Variants in LHFPL3 observed in about 807,000 individuals in gnomAD.
LHFPL3 encodes the protein LHFPL tetraspan subfamily member 3.
LHFPL3 carries 5 observed loss-of-function variants against 19.3 expected under a neutral mutation model. The ratio of observed to expected loss-of-function variants is 0.26; its 90% CI spans 0.14 to 0.54. The LOEUF is 0.54. Ranked by LOEUF, LHFPL3 falls within the 20% of genes least tolerant of loss-of-function variation. The pLI, the probability that LHFPL3 is intolerant of heterozygous loss-of-function variation, is 0.94. For synonymous variants in LHFPL3, 133 were observed against 126.2 expected (o/e 1.05, Z -0.36); for missense variants, 249 against 307.4 (o/e 0.81, Z 1.42).
intron 2 of LHFPL3, among the ~76,000 whole-genome samples, chr7:104,827,424 AATTAG>A (rs1790846876): frequency 6.6e-6 from 1 of 152,018 alleles, no homozygotes; most frequent in South Asian, 2.1e-4. Flanking sequence ...TGGTAGGTAC[AATTAG>A]ATTATAGTCT....
At chr7:104,812,309 G>A (rs941376316) in intron 2 of LHFPL3, among the ~76,000 whole-genome samples, 2 of 152,154 alleles carry the variant, frequency 1.3e-5, no homozygotes, top group Non-Finnish European at 2.9e-5. Context: ...ATTCCTAGTA[G>A]ACTGGATGAA....
intron 1 of LHFPL3, among the ~76,000 whole-genome samples, chr7:104,347,769 G>C (rs10280803): frequency 0.17 from 25,480 of 151,896 alleles, 2,589 homozygotes; most frequent in Admixed American, 0.31. Flanking sequence ...GCACGCCCCT[G>C]TAATCCCAGT....
intron 2 of LHFPL3, among the ~76,000 whole-genome samples, chr7:104,808,501 G>A (rs576956253): frequency 6.6e-6 from 1 of 152,284 alleles, no homozygotes; most frequent in Non-Finnish European, 1.5e-5. Flanking sequence ...GGCGCAATAA[G>A]TATTTTGTGG....
intron 1 of LHFPL3, among the ~76,000 whole-genome samples, chr7:104,390,204 A>G (rs1397497519): frequency 6.6e-6 from 1 of 152,026 alleles, no homozygotes; most frequent in Non-Finnish European, 1.5e-5. Context: ...TATTTTTATT[A>G]TACTTTAAAT....
At chr7:104,766,651 G>A (rs1180677507) in intron 2 of LHFPL3, among the ~76,000 whole-genome samples, 2 of 152,186 alleles carry the variant, frequency 1.3e-5, no homozygotes, top group African/African-American at 4.8e-5. Context: ...CACACAGTTT[G>A]AAAACCATAC....
At chr7:104,388,831 G>C (rs576871986) in intron 1 of LHFPL3, among the ~76,000 whole-genome samples, 1 of 75,226 alleles carries the variant, frequency 1.3e-5, no homozygotes, top group East Asian at 2.9e-4. Flanking sequence ...CCCCTTTTAT[G>C]GTGGAAAAAA....
At chr7:104,427,213 C>T (rs890711198) in intron 1 of LHFPL3, among the ~76,000 whole-genome samples, 4 of 152,170 alleles carry the variant, frequency 2.6e-5, no homozygotes, top group African/African-American at 7.2e-5. Flanking sequence ...ATGTGATGTC[C>T]TTGAATAGCT....
At position 104,328,765 on chromosome 7, in the gene LHFPL3, AG is replaced by A. The variant is rs767447710; in HGVS notation, c.-13del. ...GAGGACCAGGAGGAGGAGGAGGAGG[AG>A]GAGGAGGGGGAGAATGCCCGGAGCC... On this transcript the variant is annotated 5_prime_UTR_variant, in exon 1 of 3. Transcript: ENST00000424859. The surrounding 1 kb of genome is among the most constrained non-coding windows in gnomAD (Gnocchi z 4.6). 34 of 1,555,232 alleles carry A rather than the reference AG, an allele frequency of 2.2e-5. No homozygotes were observed. Among genetic ancestry groups the A allele is most frequent in the Non-Finnish European group, 2.7e-5 (31 of 1,149,196 alleles).
intron 1 of LHFPL3, among the ~76,000 whole-genome samples, chr7:104,562,683 C>G (rs552214583): frequency 0.1 from 15,009 of 150,642 alleles, 1,553 homozygotes; most frequent in African/African-American, 0.27. Context: ...CTCTCAGCTC[C>G]TCAAAGTCAT....
At chr7:104,898,064 C>G (rs1792403783) in intron 2 of LHFPL3, among the ~76,000 whole-genome samples, 1 of 130,270 alleles carries the variant, frequency 7.7e-6, no homozygotes, top group East Asian at 2.6e-4. Context: ...GGCTGGAGTA[C>G]AGTGGCACCA....
chr7:104,833,046 A>ATAATAGATATAT lies in LHFPL3; in HGVS notation c.683-73139_683-73138insATAGATATATTA, dbSNP rs1256222744. On this transcript the variant is annotated intron_variant, in intron 2 of 2. Transcript: ENST00000424859. ...AATAGATATATTATATATATATATT[A>ATAATAGATATAT]TATATATATTATATATAATATATAT... is the stretch of plus-strand genomic sequence containing the variant. 7.4e-5 allele frequency among the ~76,000 whole-genome samples: 4 copies of ATAATAGATATAT among 54,212 alleles called. 2 individuals are homozygous for ATAATAGATATAT. The highest frequency in any genetic ancestry group is 1.6e-4 in the African/African-American group (2 of 12,662). 35.6% of individuals were successfully genotyped at this position (54,212 alleles called of 152,430 possible). A position where few individuals can be genotyped will look rare whatever the true frequency, so the allele number is the denominator to read the frequency against.
At chr7:104,510,903 G>A (rs1046496663) in intron 1 of LHFPL3, among the ~76,000 whole-genome samples, 3 of 152,162 alleles carry the variant, frequency 2.0e-5, no homozygotes, top group Non-Finnish European at 4.4e-5. Flanking sequence ...CTATCAGAGA[G>A]TGGAGGGTGG....
intron 1 of LHFPL3, among the ~76,000 whole-genome samples, chr7:104,647,141 T>C (rs1432651008): frequency 6.6e-6 from 1 of 152,216 alleles, no homozygotes; most frequent in Non-Finnish European, 1.5e-5. Flanking sequence ...AATCTTCCTG[T>C]TTTTACTATT....
At chr7:104,827,487 A>G (rs1433916284) in intron 2 of LHFPL3, among the ~76,000 whole-genome samples, 1 of 151,982 alleles carries the variant, frequency 6.6e-6, no homozygotes, top group Non-Finnish European at 1.5e-5. Flanking sequence ...TTCCTAGTTC[A>G]GGTAATGGCC....
At position 104,865,071 on chromosome 7, in the gene LHFPL3, C is replaced by G. The variant is rs193283585; in HGVS notation, c.683-41116C>G. 1.4e-3 allele frequency among the ~76,000 whole-genome samples: 209 copies of G among 152,260 alleles called. 1 individual carries two copies. The highest frequency in any genetic ancestry group is 0.013 in the Admixed American group (202 of 15,290). On this transcript the variant is annotated intron_variant, in intron 2 of 2. Transcript: ENST00000424859. The stretch of plus-strand genomic sequence containing the variant: ...AAGGACATCCACACAAAAACCCCAT[C>G]TGTACATCACCATCATCAAAGACCA...
intron 1 of LHFPL3, among the ~76,000 whole-genome samples, chr7:104,612,610 T>G (rs2115756153): frequency 6.6e-6 from 1 of 152,286 alleles, no homozygotes; most frequent in South Asian, 2.1e-4. Flanking sequence ...CTTCGAAAAT[T>G]AGACTATAAA....
intron 1 of LHFPL3, among the ~76,000 whole-genome samples, chr7:104,718,868 A>G (rs187818060): frequency 1.3e-5 from 2 of 152,150 alleles, no homozygotes; most frequent in Non-Finnish European, 2.9e-5. Flanking sequence ...CTAGCAGGAT[A>G]ACCACTGGTC....
At chr7:104,699,515 A>C (rs1793061290) in intron 1 of LHFPL3, among the ~76,000 whole-genome samples, 1 of 152,172 alleles carries the variant, frequency 6.6e-6, no homozygotes, top group Non-Finnish European at 1.5e-5. Context: ...GACAGAAAGG[A>C]AAATGATGGT....
intron 1 of LHFPL3, among the ~76,000 whole-genome samples, chr7:104,437,258 T>C (rs937838590): frequency 3.9e-5 from 6 of 152,224 alleles, no homozygotes; most frequent in African/African-American, 1.4e-4. Context: ...ATTGTGGAGA[T>C]TCTACCAGGT....
Sources: allele counts gnomAD v4.1 joint callset (sites outside exome capture counted in the v4.1 genomes callset), GRCh38; gene constraint gnomAD v4.1.1; non-coding constraint Gnocchi (gnomAD v3.1); transcripts MANE v1.5; gene names NCBI Gene and HGNC (gene_info 2026-07-23, HGNC 2026-07-21).